CPA5: variants seen among roughly 807,000 people sequenced by gnomAD.
CPA5 encodes carboxypeptidase A5.
CPA5 carries 38 observed loss-of-function variants against 52.2 expected under a neutral mutation model. The ratio of observed to expected loss-of-function variants is 0.73; its 90% confidence interval spans 0.56 to 0.95. CPA5 has a LOEUF of 0.95. Among genes scored for constraint, CPA5 ranks in the 40% least tolerant of loss-of-function variants. The probability of loss-of-function intolerance (pLI) is 0.00; values close to 1 mark genes in which losing one functional copy is unlikely to be tolerated. For missense variants in CPA5, 519 were observed against 566.7 expected (o/e 0.92, Z 0.86); for synonymous variants, 198 against 213.7 (o/e 0.93, Z 0.64).
intron 5 of CPA5, among the ~76,000 whole-genome samples, chr7:130,357,950 C>CTGTGTG (rs1491444787): frequency 2.4e-4 from 19 of 77,864 alleles, no homozygotes; most frequent in East Asian, 8.7e-4. Flanking sequence ...GTTTTTGTGC[C>CTGTGTG]TCTGTGTGTG....
chr7:130,372,057 C>T (rs1379218415), downstream of CPA5, among the ~76,000 whole-genome samples: 2 of 152,244 alleles, frequency 1.3e-5, no homozygotes, highest in Non-Finnish European at 2.9e-5. Context: ...CCCTCTCTCC[C>T]CCTTCAATAT....
At chr7:130,373,982 A>G in the CPA5 span, among the ~76,000 whole-genome samples, 1 of 151,238 alleles carries the variant, frequency 6.6e-6, no homozygotes, top group Admixed American at 6.6e-5. Context: ...GTCCTTCCGG[A>G]CGCCGCCCCC....
At chr7:130,363,634 T>A in intron 10 of CPA5, 125 bp downstream of exon 10, 2 of 778,064 alleles carry the variant, frequency 2.6e-6, no homozygotes, top group Non-Finnish European at 4.3e-6. Flanking sequence ...TCAGCTAATA[T>A]GCATGAGTCA....
At chr7:130,371,777 G>A (rs1433475849), downstream of CPA5, among the ~76,000 whole-genome samples, 3 of 152,064 alleles carry the variant, frequency 2.0e-5, no homozygotes, top group Non-Finnish European at 2.9e-5. Flanking sequence ...GGCTGGTTTC[G>A]AACTCCTGAC....
In CPA5 at chr7:130,368,095, C is replaced by T. The variant is rs1375341355; in HGVS notation, c.1123+105C>T. On this transcript the variant is annotated intron_variant, in intron 12 of 12. Coordinates refer to ENST00000474905, the MANE Select transcript of CPA5 (RefSeq NM_080385.5). ...TGTGCTGGCCCAAAGCTGCCTCCCA[C>T]ACTGGATAGAAGGGTGAACAGTGGT... The T allele has an allele frequency of 4.7e-6, 5 of 1,068,586 alleles. No homozygotes were observed. In the African/African-American group the frequency reaches 7.8e-5, roughly 17 times the overall value. 66.2% of individuals were successfully genotyped at this position (1,068,586 alleles called of 1,614,324 possible).
At chr7:130,352,368 G>A (rs1584798377) in intron 5 of CPA5, among the ~76,000 whole-genome samples, 1 of 100,030 alleles carries the variant, frequency 1.0e-5, no homozygotes, top group Admixed American at 1.3e-4. Flanking sequence ...CGGGGATGGA[G>A]GGGGGTAAAT....
chr7:130,364,584 G>A (rs963474924), intron 10 of CPA5, among the ~76,000 whole-genome samples: 2 of 152,144 alleles, frequency 1.3e-5, no homozygotes, highest in African/African-American at 4.8e-5. Flanking sequence ...TCAATCAGCC[G>A]CCTCGGCCAC....
At chr7:130,353,642 A>G (rs1286579589) in intron 5 of CPA5, among the ~76,000 whole-genome samples, 1 of 152,006 alleles carries the variant, frequency 6.6e-6, no homozygotes, top group Non-Finnish European at 1.5e-5. Context: ...CTCCCCATCA[A>G]CAACAGATTT....
downstream of CPA5, among the ~76,000 whole-genome samples, chr7:130,369,740 G>A (rs79573654): frequency 3.0e-4 from 46 of 152,296 alleles, no homozygotes; most frequent in East Asian, 7.9e-3. Flanking sequence ...TGGAGGGCAC[G>A]GAGACAGGGA....
chr7:130,362,982 T>C lies in CPA5; in HGVS notation c.735T>C (p.Phe245=), dbSNP rs1554407215. 1 of 1,605,548 alleles carries C rather than the reference T, an allele frequency of 6.2e-7. No individual in the cohort carries two copies. The highest frequency in any genetic ancestry group is 1.7e-5 in the Admixed American group (1 of 59,994). Residue 245 remains phenylalanine, a synonymous_variant, in exon 9 of 13, where the codon TTT becomes TTC. Transcript: ENST00000474905. The part of the protein sequence containing the change: ...ELVTNPDGFA[F]THSMNRLWRK... ...TCACAAACCCTGATGGGTTTGCTTTTACCCACAGCATGGTGAGGGAACCTG... is the reference window on the plus strand; with the variant it reads ...TCACAAACCCTGATGGGTTTGCTTTCACCCACAGCATGGTGAGGGAACCTG...
At chr7:130,373,960 C>G in the CPA5 span, among the ~76,000 whole-genome samples, 1 of 152,232 alleles carries the variant, frequency 6.6e-6, no homozygotes, top group Non-Finnish European at 1.5e-5. Flanking sequence ...GCCAAACAGG[C>G]TGCCTGGATT....
intron 5 of CPA5, among the ~76,000 whole-genome samples, chr7:130,351,411 G>A (rs1795133508): frequency 6.6e-6 from 1 of 151,898 alleles, no homozygotes; most frequent in Admixed American, 6.6e-5. Flanking sequence ...TGCACATCAG[G>A]GACGGCCCCA....
chr7:130,354,083 A>G (rs4731684), intron 5 of CPA5, among the ~76,000 whole-genome samples: 28,975 of 151,718 alleles, frequency 0.19, 3,177 homozygotes, highest in African/African-American at 0.29. Flanking sequence ...CCATGTCACC[A>G]TACCCAGCTA....
intron 6 of CPA5, among the ~76,000 whole-genome samples, chr7:130,360,838 G>C (rs17164838): frequency 0.16 from 23,901 of 152,190 alleles, 2,146 homozygotes; most frequent in African/African-American, 0.24. Context: ...TAACCAGAGA[G>C]AGCCATGTGG....
chr7:130,350,683 G>A (rs1442200750), intron 5 of CPA5, among the ~76,000 whole-genome samples: 1 of 152,224 alleles, frequency 6.6e-6, no homozygotes, highest in African/African-American at 2.4e-5. Flanking sequence ...TTTGGGAGAA[G>A]CAGCTACAGA....
intron 5 of CPA5, among the ~76,000 whole-genome samples, chr7:130,351,191 T>C (rs1450989630): frequency 6.6e-6 from 1 of 152,148 alleles, no homozygotes; most frequent in Non-Finnish European, 1.5e-5. Context: ...GGGTGGGATA[T>C]TTCTCTAATG....
intron 4 of CPA5, 136 bp from the exon 5 acceptor site, chr7:130,349,839 C>G: frequency 1.0e-6 from 1 of 978,200 alleles, no homozygotes; most frequent in South Asian, 1.7e-5. Flanking sequence ...TGGGACATCA[C>G]ACCCCCGTCC....
rs1269291881 is a variant in CPA5 at position 130,359,681 on chromosome 7, G to A, written c.426G>A (p.Leu142=). The A allele has an allele frequency of 6.3e-7, 1 of 1,580,462 alleles. No individual in the cohort carries two copies. Residue 142 remains leucine, a synonymous_variant, in exon 6 of 13, where the codon CTG becomes CTA. Transcript: ENST00000474905. The stretch of plus-strand genomic sequence containing the variant: ...TCAGTTACTCATCATACCACACCCT[G>A]GAGGAGGTAGGTCTGGCCGGGCAAG... ...NSFSYSSYHT[L]EEIYSWIDNF...
intron 8 of CPA5, 101 bp downstream of exon 8, chr7:130,362,640 A>G: frequency 1.2e-6 from 1 of 835,788 alleles, no homozygotes; most frequent in Non-Finnish European, 1.9e-6. Flanking sequence ...AGTTACACTC[A>G]GGGTGCTGTC....
Sources: allele counts gnomAD v4.1 joint callset (sites outside exome capture counted in the v4.1 genomes callset), GRCh38; gene constraint gnomAD v4.1.1; transcripts MANE v1.5; gene names NCBI Gene and HGNC (gene_info 2026-07-23, HGNC 2026-07-21).